The following NGEF variants were observed in gnomAD, a reference collection of about 807,000 sequenced individuals.
NGEF encodes neuronal guanine nucleotide exchange factor.
In NGEF, 31 loss-of-function variants were observed where a neutral mutation model predicts 80.9. That is an observed-to-expected ratio of 0.38 (90% confidence interval 0.29 to 0.52). NGEF has a LOEUF of 0.52. Among genes scored for constraint, NGEF ranks in the 20% least tolerant of loss-of-function variants. The pLI is 0.84. For synonymous variants in NGEF, 371 were observed against 370.2 expected, an observed-to-expected ratio of 1.00 and a Z score of -0.03; for missense variants, 709 against 926.2, an observed-to-expected ratio of 0.77 and a Z score of 3.04.
chr2:232,909,928 T>G (rs892533602), intron 5 of NGEF, among the ~76,000 whole-genome samples: 3 of 152,266 alleles, frequency 2.0e-5, no homozygotes, highest in African/African-American at 7.2e-5. Flanking sequence ...ACATCGATGC[T>G]GTCGCATATC....
chr2:232,921,274 C>T (rs1375877997), intron 4 of NGEF, among the ~76,000 whole-genome samples: 1 of 152,070 alleles, frequency 6.6e-6, no homozygotes, highest in Non-Finnish European at 1.5e-5. Flanking sequence ...CACAGGCAGC[C>T]ATGTTGGGGT....
intron 3 of NGEF, among the ~76,000 whole-genome samples, chr2:232,965,678 T>C (rs1448248405): frequency 6.6e-6 from 1 of 152,160 alleles, no homozygotes; most frequent in Admixed American, 6.5e-5. Flanking sequence ...ACCTGACAGC[T>C]CATCGGAGGC....
At chr2:232,994,968 A>G (rs1177772383) in intron 1 of NGEF, among the ~76,000 whole-genome samples, 1 of 107,584 alleles carries the variant, frequency 9.3e-6, no homozygotes, top group South Asian at 3.7e-4. Flanking sequence ...TATGTATTAT[A>G]TGTACATATA....
chr2:232,888,550 T>C (rs371812374), intron 8 of NGEF, among the ~76,000 whole-genome samples: 3 of 97,700 alleles, frequency 3.1e-5, no homozygotes, highest in East Asian at 3.4e-4. Context: ...TGCACATACA[T>C]GCATACCTGC....
At chr2:232,961,366 C>T (rs985054010) in intron 3 of NGEF, among the ~76,000 whole-genome samples, 9 of 152,182 alleles carry the variant, frequency 5.9e-5, no homozygotes, top group Admixed American at 2.0e-4. Context: ...ATATTTAAAA[C>T]TTCTCCCAAG....
rs1693479702 is a variant in NGEF, at chr2:232,943,452, G to A, written c.384-16266C>T. On this transcript the variant is annotated intron_variant, in intron 3 of 14. Transcript: ENST00000264051. ...GGGCCTCAGTTTCCGTACTGCCTGT[G>A]CTGTCTCCACCGACTGTATAGTTGC... 1.3e-5 allele frequency among the ~76,000 whole-genome samples: 2 copies of A among 151,736 alleles called. 1 individual carries two copies. Among genetic ancestry groups the A allele is most frequent in the South Asian group, 4.2e-4 (2 of 4,808 alleles).
In NGEF at chr2:233,011,587, GAAA is replaced by G. The variant is rs10606451; in HGVS notation, c.-75+1478_-75+1480del. ...GGCCAAGGGAAGTTCTTAAAGCAAT[GAAA>G]AAAAAAAAAAAAAAGGAACAGAGAC... is the stretch of plus-strand genomic sequence containing the variant. On this transcript the variant is annotated intron_variant, in intron 1 of 14. Coordinates refer to ENST00000264051, the MANE Select transcript of NGEF (RefSeq NM_019850.3). Among the ~76,000 whole-genome samples the G allele has an allele frequency of 3.9e-3, 542 of 138,222 alleles. 1 individual carries two copies. Among genetic ancestry groups the G allele is most frequent in the Middle Eastern group, 7.4e-3 (2 of 272 alleles). The allele number at this position is 138,222 out of a possible 152,430, so 90.7% of individuals were successfully genotyped here.
In NGEF at chr2:232,931,438, G is replaced by C. The variant is rs142016185; in HGVS notation, c.384-4252C>G. ...TCTAAGGAGTGGCTTGGTTCTTCCT[G>C]ACAAACATAGTAAAATTTGAGAAGA... On this transcript the variant is annotated intron_variant, in intron 3 of 14. Coordinates refer to ENST00000264051, the MANE Select transcript of NGEF (RefSeq NM_019850.3). Among the ~76,000 whole-genome samples the C allele has an allele frequency of 8.3e-3, 1,265 of 152,298 alleles. 30 individuals carry two copies. The highest frequency in any genetic ancestry group is 0.049 in the Admixed American group (756 of 15,288).
chr2:232,949,925 T>C (rs1574631453), intron 3 of NGEF, among the ~76,000 whole-genome samples: 1 of 149,818 alleles, frequency 6.7e-6, no homozygotes, highest in Non-Finnish European at 1.5e-5. Context: ...GATTCTCCTG[T>C]CTCTGCCTCC....
chr2:232,951,668 C>T (rs1693681521), intron 3 of NGEF, among the ~76,000 whole-genome samples: 1 of 152,162 alleles, frequency 6.6e-6, no homozygotes, highest in South Asian at 2.1e-4. Flanking sequence ...CACCTAGGAA[C>T]CGCCAGGATT....
chr2:232,937,097 G>A (rs964780255), intron 3 of NGEF, among the ~76,000 whole-genome samples: 21 of 152,264 alleles, frequency 1.4e-4, no homozygotes, highest in Admixed American at 3.3e-4. Context: ...AGCCTCCAGA[G>A]TAGCTGGGAT....
intron 1 of NGEF, among the ~76,000 whole-genome samples, chr2:232,998,286 C>T (rs1302097795): frequency 6.6e-6 from 1 of 152,134 alleles, no homozygotes; most frequent in Non-Finnish European, 1.5e-5. Flanking sequence ...GTAAATTGTC[C>T]AGGATCACAC....
At chr2:232,900,082 ACATTCACTTAGACACAT>A (rs1238452696) in intron 5 of NGEF, among the ~76,000 whole-genome samples, 1 of 143,164 alleles carries the variant, frequency 7.0e-6, no homozygotes, top group Non-Finnish European at 1.5e-5. Context: ...ACGTTCACTC[ACATTCACTTAGACACAT>A]GCTCTCAGTC....
At chr2:232,995,590 T>TATACTGTATATATATACAGTATAC in intron 1 of NGEF, among the ~76,000 whole-genome samples, 3 of 124,794 alleles carry the variant, frequency 2.4e-5, no homozygotes, top group African/African-American at 5.4e-5. Flanking sequence ...ATACAGTATG[T>TATACTGTATATATATACAGTATAC]ATACTGTATA....
At chr2:232,989,753 G>A (rs1299869518) in intron 1 of NGEF, among the ~76,000 whole-genome samples, 7 of 152,176 alleles carry the variant, frequency 4.6e-5, no homozygotes. Context: ...ATGGAATAAG[G>A]ATGAACAGTT....
intron 3 of NGEF, among the ~76,000 whole-genome samples, chr2:232,930,418 C>G (rs374247515): frequency 1.3e-5 from 2 of 151,894 alleles, no homozygotes; most frequent in South Asian, 4.2e-4. Flanking sequence ...CTCCCGGGTT[C>G]AAGCGATTCT....
intron 3 of NGEF, chr2:232,928,080 G>A: frequency 8.9e-7 from 1 of 1,120,442 alleles, no homozygotes; most frequent in Non-Finnish European, 1.1e-6. Flanking sequence ...CGACTAGCGG[G>A]CTGCGGAGCG....
intron 5 of NGEF, among the ~76,000 whole-genome samples, chr2:232,900,521 GAC>G (rs146828181): frequency 4.3e-5 from 2 of 46,966 alleles, no homozygotes; most frequent in Non-Finnish European, 4.0e-5. Context: ...CATTCACTTA[GAC>G]ACATGCTCTC....
rs1049314532 is a variant in NGEF at position 232,916,927 on chromosome 2, A to G, written c.828+3357T>C. On this transcript the variant is annotated intron_variant, in intron 5 of 14. Transcript: ENST00000264051. Reference sequence around the variant, plus strand: ...ACTCAACCCACTGGCTGAATACCCCATACTCTCTGCTACCCGCCAGGCTGT... The same window carrying G: ...ACTCAACCCACTGGCTGAATACCCCGTACTCTCTGCTACCCGCCAGGCTGT... Among the ~76,000 whole-genome samples, 4 of 152,090 alleles carry G rather than the reference A, an allele frequency of 2.6e-5. No individual in the cohort carries two copies. The South Asian group carries it at 8.3e-4, about 32-fold the overall frequency.
Sources: allele counts gnomAD v4.1 joint callset (sites outside exome capture counted in the v4.1 genomes callset), GRCh38; gene constraint gnomAD v4.1.1; transcripts MANE v1.5; gene names NCBI Gene and HGNC (gene_info 2026-07-23, HGNC 2026-07-21).